TNR: variants seen among roughly 807,000 people sequenced by gnomAD.
TNR encodes tenascin R, also known as tenascin-R.
In TNR, 45 loss-of-function variants were observed where a neutral mutation model predicts 150.4. The ratio of observed to expected loss-of-function variants is 0.30; its 90% confidence interval spans 0.24 to 0.38. The LOEUF (loss-of-function observed/expected upper bound fraction) is 0.38. Ranked by LOEUF, TNR falls within the 10% of genes least tolerant of loss-of-function variation. The pLI is 1.00. For missense variants in TNR, 1,544 were observed against 1,759.1 expected (o/e 0.88, Z 2.19); for synonymous variants, 687 against 678.4 (o/e 1.01, Z -0.20).
intron 1 of TNR, among the ~76,000 whole-genome samples, chr1:175,673,293 C>T (rs60252477): frequency 0.015 from 2,242 of 152,304 alleles, 61 homozygotes; most frequent in African/African-American, 0.051. Context: ...GGAGAGCCAG[C>T]ACCAAGCATG....
chr1:175,346,399 T>A (rs369884457), intron 18 of TNR, among the ~76,000 whole-genome samples: 1 of 152,052 alleles, frequency 6.6e-6, no homozygotes, highest in African/African-American at 2.4e-5. Context: ...GAGAGGGTGC[T>A]CAAGTACTTG....
intron 1 of TNR, among the ~76,000 whole-genome samples, chr1:175,540,329 A>C (rs1215821294): frequency 2.6e-5 from 4 of 152,172 alleles, no homozygotes; most frequent in Admixed American, 2.0e-4. Flanking sequence ...CTTCAGCTCC[A>C]GGGTTTGACT....
chr1:175,716,610 G>A (rs917529202), intron 1 of TNR, among the ~76,000 whole-genome samples: 1 of 152,124 alleles, frequency 6.6e-6, no homozygotes, highest in Admixed American at 6.6e-5. Context: ...ACCATCCCCT[G>A]CCCCAAGTCC....
intron 1 of TNR, among the ~76,000 whole-genome samples, chr1:175,641,367 T>C (rs554345823): frequency 6.6e-6 from 1 of 152,280 alleles, no homozygotes; most frequent in South Asian, 2.1e-4. Context: ...ATCAATTTTG[T>C]GGTTTGCATT....
intron 1 of TNR, among the ~76,000 whole-genome samples, chr1:175,649,995 A>T (rs1292869098): frequency 3.3e-5 from 5 of 152,324 alleles, no homozygotes; most frequent in African/African-American, 1.2e-4. Context: ...ACAAAAGATT[A>T]ATCTTAAAAA....
chr1:175,359,134 A>ATTTTTTTTTTTTTTTT (rs1557883623), intron 15 of TNR, among the ~76,000 whole-genome samples: 1 of 34,102 alleles, frequency 2.9e-5, no homozygotes, highest in Non-Finnish European at 7.0e-5. Flanking sequence ...GTTTGGGGAT[A>ATTTTTTTTTTTTTTTT]TCTTCTTTTT....
At chr1:175,339,256 A>C (rs1037549454) in intron 18 of TNR, among the ~76,000 whole-genome samples, 1 of 152,242 alleles carries the variant, frequency 6.6e-6, no homozygotes, top group African/African-American at 2.4e-5. Context: ...TGAAGATAGA[A>C]ATCTATGCAT....
intron 1 of TNR, among the ~76,000 whole-genome samples, chr1:175,652,005 C>T (rs1185769884): frequency 2.0e-5 from 3 of 150,322 alleles, no homozygotes; most frequent in Non-Finnish European, 3.0e-5. Flanking sequence ...ATATAATTCT[C>T]TTTATGATTT....
rs139699201 is a variant in TNR at position 175,479,194 on chromosome 1, G to T, written c.-64+49075C>A. On this transcript the variant is annotated intron_variant, in intron 2 of 22. Coordinates refer to ENST00000367674, the MANE Select transcript of TNR (RefSeq NM_003285.3). ...GATTTCACCCCATGTTGACTCTCTG[G>T]CTCCCTAAATGGTTGCCCAATTGCC... Among the ~76,000 whole-genome samples, 78 of 152,240 alleles carry T rather than the reference G, an allele frequency of 5.1e-4. 1 individual carries two copies. The highest frequency in any genetic ancestry group is 1.7e-3 in the African/African-American group (72 of 41,546).
chr1:175,577,442 AAC>A (rs1001692353), intron 1 of TNR, among the ~76,000 whole-genome samples: 1 of 152,122 alleles, frequency 6.6e-6, no homozygotes, highest in Non-Finnish European at 1.5e-5. Flanking sequence ...CCTGCTGCCT[AAC>A]ACACAACAGA....
chr1:175,735,661 C>A (rs1029139301), intron 1 of TNR, among the ~76,000 whole-genome samples: 1 of 152,130 alleles, frequency 6.6e-6, no homozygotes, highest in Non-Finnish European at 1.5e-5. Context: ...ATTACTCTAG[C>A]CCAGCCAGGA....
intron 9 of TNR, among the ~76,000 whole-genome samples, chr1:175,367,585 C>A (rs998604941): frequency 1.3e-5 from 2 of 152,162 alleles, no homozygotes; most frequent in African/African-American, 4.8e-5. Context: ...CATAAGTATA[C>A]AAGGACTCCT....
intron 1 of TNR, among the ~76,000 whole-genome samples, chr1:175,663,598 G>A (rs1665443608): frequency 6.6e-6 from 1 of 152,194 alleles, no homozygotes; most frequent in African/African-American, 2.4e-5. Context: ...CCTACAGACA[G>A]GGAAAAGCCT....
At chr1:175,481,857 A>G (rs1262363558) in intron 2 of TNR, among the ~76,000 whole-genome samples, 1 of 152,120 alleles carries the variant, frequency 6.6e-6, no homozygotes, top group African/African-American at 2.4e-5. Flanking sequence ...ACGTCTGCCC[A>G]GAAAGCACTG....
intron 1 of TNR, among the ~76,000 whole-genome samples, chr1:175,689,398 C>T (rs1236319085): frequency 6.6e-6 from 1 of 152,174 alleles, no homozygotes; most frequent in Non-Finnish European, 1.5e-5. Flanking sequence ...TTCATCTGTA[C>T]AAATCCAAGG....
chr1:175,358,705 C>T (rs34633780), intron 15 of TNR, among the ~76,000 whole-genome samples: 7,889 of 152,264 alleles, frequency 0.052, 285 homozygotes, highest in Middle Eastern at 0.18. Flanking sequence ...GAGGACTCAA[C>T]TCTATTTTGC....
intron 1 of TNR, among the ~76,000 whole-genome samples, chr1:175,561,807 G>A (rs991142869): frequency 6.6e-6 from 1 of 152,162 alleles, no homozygotes; most frequent in Non-Finnish European, 1.5e-5. Context: ...TAATGGCTTG[G>A]TATGTATAAT....
intron 10 of TNR, 130 bp from the exon 11 acceptor site, chr1:175,366,268 AC>A: frequency 2.0e-6 from 2 of 1,020,238 alleles, no homozygotes; most frequent in Non-Finnish European, 2.8e-6. Context: ...CATTGCTGAC[AC>A]TTATCTAATA....
intron 18 of TNR, among the ~76,000 whole-genome samples, chr1:175,343,220 G>A (rs768044519): frequency 2.2e-4 from 34 of 152,094 alleles, no homozygotes; most frequent in Admixed American, 1.3e-4. Flanking sequence ...AGCCCTGTAC[G>A]CTCCGTCTCT....
Sources: allele counts gnomAD v4.1 joint callset (sites outside exome capture counted in the v4.1 genomes callset), GRCh38; gene constraint gnomAD v4.1.1; transcripts MANE v1.5; gene names NCBI Gene and HGNC (gene_info 2026-07-23, HGNC 2026-07-21).